Variants in C5 observed in about 807,000 individuals in gnomAD.
The protein encoded by C5 is complement C5.
In C5, 140 loss-of-function variants were observed where a neutral mutation model predicts 218.8. The ratio of observed to expected loss-of-function variants is 0.64; its 90% CI spans 0.56 to 0.74. The LOEUF (loss-of-function observed/expected upper bound fraction) is 0.74, where lower values mean the gene tolerates loss of function less well. C5 is among the 30% of genes least tolerant of loss of function. The probability of loss-of-function intolerance (pLI) is 0.00; values close to 1 mark genes in which losing one functional copy is unlikely to be tolerated. For synonymous variants in C5, 614 were observed against 682.3 expected (o/e 0.90, Z 1.56); for missense variants, 1,700 against 1,969.6 (o/e 0.86, Z 2.59).
At chr9:121,074,001 G>T in the C5 span, among the ~76,000 whole-genome samples, 1 of 152,160 alleles carries the variant, frequency 6.6e-6, no homozygotes, top group Admixed American at 6.5e-5. Flanking sequence ...CGAGAAAATG[G>T]TAAGAACAAG....
chr9:120,954,919 C>A (rs2131660299), intron 39 of C5, among the ~76,000 whole-genome samples: 1 of 152,354 alleles, frequency 6.6e-6, no homozygotes, highest in East Asian at 1.9e-4. Flanking sequence ...GCCATTTCAG[C>A]CCCTGTCATA....
intron 3 of C5, among the ~76,000 whole-genome samples, chr9:121,039,599 T>G (rs2047559366): frequency 1.3e-5 from 2 of 152,028 alleles, no homozygotes; most frequent in African/African-American, 4.8e-5. Flanking sequence ...ATTGCACCAC[T>G]GCCCTCCAGC....
intron 6 of C5, among the ~76,000 whole-genome samples, chr9:121,031,754 CACTA>C (rs2047476464): frequency 6.6e-6 from 1 of 152,150 alleles, no homozygotes; most frequent in Admixed American, 6.5e-5. Flanking sequence ...TATTGCAAAA[CACTA>C]ACTTTTTATA....
intron 33 of C5, among the ~76,000 whole-genome samples, chr9:120,967,832 C>T (rs1436763843): frequency 6.6e-6 from 1 of 151,950 alleles, no homozygotes; most frequent in African/African-American, 2.4e-5. Flanking sequence ...AGCAATCCTC[C>T]TGCCTCAGCC....
At chr9:120,955,223 A>G (rs1242275952) in intron 39 of C5, among the ~76,000 whole-genome samples, 2 of 152,150 alleles carry the variant, frequency 1.3e-5, no homozygotes, top group Non-Finnish European at 2.9e-5. Flanking sequence ...TTCAAAATTT[A>G]TGTGTTAAAA....
At chr9:121,061,124 G>A in the C5 span, among the ~76,000 whole-genome samples, 26 of 152,278 alleles carry the variant, frequency 1.7e-4, no homozygotes, top group Admixed American at 3.3e-4. Context: ...GGACATGGAG[G>A]TTGTAGTGAG....
intron 26 of C5, 43 bp downstream of exon 26, chr9:120,982,612 A>G (rs774363254): frequency 2.8e-6 from 4 of 1,448,396 alleles, no homozygotes; most frequent in Non-Finnish European, 3.9e-6. Flanking sequence ...TAAAACTCAA[A>G]CTAAATAAAA....
chr9:121,015,374 C>T, intron 15 of C5, 113 bp from the exon 16 acceptor site: 2 of 696,318 alleles, frequency 2.9e-6, no homozygotes, highest in Non-Finnish European at 5.0e-6. Context: ...CATTCCTTAA[C>T]AAATATTGAG....
chr9:121,020,972 C>A (rs1316727928), intron 11 of C5, among the ~76,000 whole-genome samples: 2 of 152,228 alleles, frequency 1.3e-5, no homozygotes, highest in Non-Finnish European at 2.9e-5. Flanking sequence ...CATATGCATG[C>A]TGCAGTCATT....
intron 40 of C5, 64 bp from the exon 41 acceptor site, chr9:120,952,932 A>AT (rs41314047): frequency 0.062 from 96,532 of 1,555,308 alleles, 2,614 homozygotes; most frequent in South Asian, 0.067. Flanking sequence ...TGATTTCTTT[A>AT]TTTTTTTTTG....
At chr9:121,074,861 G>A in the C5 span, 1 of 456,316 alleles carries the variant, frequency 2.2e-6, no homozygotes, top group Non-Finnish European at 4.4e-6. Flanking sequence ...TGCAAAAGAG[G>A]CGGGAAACGC....
chr9:121,044,336 G>A (rs1208754752), intron 2 of C5, among the ~76,000 whole-genome samples: 1 of 151,950 alleles, frequency 6.6e-6, no homozygotes, highest in East Asian at 1.9e-4. Flanking sequence ...TTAGCCAGGT[G>A]TGGTGGTGCA....
At chr9:121,060,910 G>T in the C5 span, among the ~76,000 whole-genome samples, 1 of 152,112 alleles carries the variant, frequency 6.6e-6, no homozygotes, top group South Asian at 2.1e-4. Flanking sequence ...GAATCAGGTC[G>T]GGCGAAGTGG....
At position 120,952,392 on chromosome 9, in the gene C5, A is replaced by G; in HGVS notation, c.*347T>C. ...TTCCTGTTCCTTGGTATTTTCTTTCAAGCAAAGGCCATGTTTTTGTAATAC... is the reference window on the plus strand; with the variant it reads ...TTCCTGTTCCTTGGTATTTTCTTTCGAGCAAAGGCCATGTTTTTGTAATAC... On this transcript the variant is annotated 3_prime_UTR_variant, in exon 41 of 41. Coordinates refer to ENST00000223642, the MANE Select transcript of C5 (RefSeq NM_001735.3). 1 of 296,192 alleles carries G rather than the reference A, an allele frequency of 3.4e-6. No individual in the cohort carries two copies. Among genetic ancestry groups the G allele is most frequent in the Non-Finnish European group, 6.6e-6 (1 of 152,080 alleles). The allele number at this position is 296,192 out of a possible 1,614,324, so 18.3% of individuals were successfully genotyped here.
chr9:121,008,359 C>T (rs1012061232), intron 18 of C5, 49 bp downstream of exon 18: 2 of 1,395,220 alleles, frequency 1.4e-6, no homozygotes, highest in Non-Finnish European at 2.0e-6. Flanking sequence ...GGCCATAATA[C>T]TTGCATTATC....
At chr9:120,993,683 A>G (rs1201700770) in intron 22 of C5, among the ~76,000 whole-genome samples, 9 of 152,182 alleles carry the variant, frequency 5.9e-5, no homozygotes, top group African/African-American at 9.7e-5. Context: ...CAGCCTCCCA[A>G]AGTGCTGGGA....
chr9:120,997,619 G>C lies in C5; in HGVS notation c.2718C>G (p.Gly906=), dbSNP rs2047127661. The C allele has an allele frequency of 1.9e-6, 3 of 1,613,862 alleles. No individual in the cohort carries two copies. The highest frequency in any genetic ancestry group is 2.5e-6 in the Non-Finnish European group (3 of 1,179,984). ...CCAGTGAAAAATTGATGTTGTGAAG[G>C]CCAATTTCCAGAGGAAGCACAGTGA... The part of the protein sequence containing the change: ...VTFTVLPLEI[G]LHNINFSLET... Residue 906 remains glycine (G), a synonymous_variant, in exon 21 of 41, where the codon GGC becomes GGG. Transcript: ENST00000223642.
At position 120,989,701 on chromosome 9, in the gene C5, A is replaced by C. The variant is rs2047062071; in HGVS notation, c.3021T>G (p.Ser1007Arg). 3.7e-6 allele frequency: 6 copies of C among 1,614,036 alleles called. No individual in the cohort carries two copies. The highest frequency in any genetic ancestry group is 5.1e-6 in the Non-Finnish European group (6 of 1,179,944). ...INILTHLPKG[S>R]AEAELMSVVP... ...CAACGCTCATCAGCTCCGCCTCTGCACTCCCTTTGGGGAGGTGGGTTAGGA... is the reference window on the plus strand; with the variant it reads ...CAACGCTCATCAGCTCCGCCTCTGCCCTCCCTTTGGGGAGGTGGGTTAGGA... The change falls in exon 24 of 41, where the codon AGT (serine) becomes AGG (arginine). Residue 1007 changes from serine to arginine, a missense_variant. Physicochemically the swap from Ser to Arg is moderately radical, Grantham distance 110. Transcript: ENST00000223642.
intron 1 of C5, among the ~76,000 whole-genome samples, chr9:121,047,289 A>C (rs2047635915): frequency 6.6e-6 from 1 of 152,174 alleles, no homozygotes; most frequent in African/African-American, 2.4e-5. Flanking sequence ...TGTACAGTTG[A>C]GGTCAAGTTT....
Sources: gnomAD v4.1 joint callset for allele counts (sites outside exome capture counted in the v4.1 genomes callset) on GRCh38, gnomAD v4.1.1 for gene constraint, MANE v1.5 for transcripts, NCBI Gene and HGNC (gene_info 2026-07-23, HGNC 2026-07-21) for gene names.